The following KIF12 variants were observed in gnomAD, a reference collection of about 807,000 sequenced individuals.
KIF12 encodes the protein kinesin-like protein KIF12.
Under a neutral mutation model 87.9 loss-of-function variants are expected in KIF12, and 80 were observed. That is an observed-to-expected ratio of 0.91 (90% CI 0.76 to 1.10). The LOEUF is 1.10. Ranked by LOEUF, KIF12 falls within the 50% of genes least tolerant of loss-of-function variation. The pLI, the probability that KIF12 is intolerant of heterozygous loss-of-function variation, is 0.00. For synonymous variants in KIF12, 353 were observed against 348.5 expected, an observed-to-expected ratio of 1.01 and a Z score of -0.14; for missense variants, 819 against 865.3, an observed-to-expected ratio of 0.95 and a Z score of 0.67.
Position 114,097,622 on chromosome 9 carries a change from C to T in KIF12, c.495G>A (p.Glu165=), listed in dbSNP as rs777539435. The change falls in exon 6 of 19, where the codon GAG becomes GAA. Residue 165 remains glutamate (E), a synonymous_variant. Transcript: ENST00000640217. The stretch of plus-strand genomic sequence containing the variant: ...ATTCCCTTACCTGCTCATTGTAGAT[C>T]TCCAGATAAGAGGCGCGAAGGGTGA... The part of the protein sequence containing the change: ...APVTLRASYL[E]IYNEQVRDLL... 2 of 1,613,988 alleles carry T rather than the reference C, an allele frequency of 1.2e-6. No homozygotes were observed. Among genetic ancestry groups the T allele is most frequent in the Non-Finnish European group, 8.5e-7 (1 of 1,180,016 alleles).
chr9:114,092,506 C>A, intron 17 of KIF12, 36 bp downstream of exon 17: 4 of 1,613,420 alleles, frequency 2.5e-6, no homozygotes, highest in Non-Finnish European at 3.4e-6. Context: ...CCCCAGACCA[C>A]CCCTCTCTGA....
At position 114,092,420 on chromosome 9, in the gene KIF12, G is replaced by A; in HGVS notation, c.1729C>T (p.Leu577=). 6.2e-7 allele frequency: 1 copy of A among 1,613,416 alleles called. No homozygotes were observed. Among genetic ancestry groups the A allele is most frequent in the Non-Finnish European group, 8.5e-7 (1 of 1,179,774 alleles). ...SHSDWTQTRV[L]AEMLTEEEVV... is the part of the protein sequence containing the mutation. ...TCCTCCTCCGTCAACATCTCTGCCA[G>A]GACTCGGGTCTGAGTCCAGTCACTG... Residue 577 remains leucine, a synonymous_variant, in exon 18 of 19, where the codon CTG becomes TTG. Coordinates refer to ENST00000640217, the MANE Select transcript of KIF12 (RefSeq NM_001388308.1).
chr9:114,092,867 C>G, intron 16 of KIF12: 1 of 1,432,242 alleles, frequency 7.0e-7, no homozygotes, highest in Middle Eastern at 2.6e-4. Context: ...GGAACCACGT[C>G]TGGTCTATTT....
Position 114,096,395 on chromosome 9 carries a change from G to A in KIF12, c.730C>T (p.Arg244Cys), listed in dbSNP as rs749115456. Residue 244 changes from arginine (R) to cysteine (C), a missense_variant, in exon 8 of 19, where the codon CGT becomes TGT. Arg to Cys is a radical substitution (Grantham distance 180, BLOSUM62 -3). Transcript: ENST00000640217. ...CAGGCTGGAGCACTCACAGTTTGAC[G>A]GCTGATGTAAAGGGTGAGCAGGGCA... is the stretch of plus-strand genomic sequence containing the variant. Reference protein sequence around the residue: ...SHALLTLYISRQTAQQMPSVD... With the variant: ...SHALLTLYISCQTAQQMPSVD... 78 of 1,612,744 alleles carry A rather than the reference G, an allele frequency of 4.8e-5. No individual in the cohort carries two copies. The highest frequency in any genetic ancestry group is 8.4e-5 in the Admixed American group (5 of 59,840).
Position 114,099,130 on chromosome 9 carries a change from C to T in KIF12, c.66G>A (p.Pro22=), listed in dbSNP as rs1263686059. Residue 22 remains proline, a synonymous_variant, in exon 2 of 19, where the codon CCG becomes CCA. Transcript: ENST00000640217. ...TGAGCACCACCTGGATGGGCGTTTC[C>T]GGCCCCTCTGGCCCTTGCTCCAGGC... ...ARSLEQGPEG[P]ETPIQVVLRV... 3 of 1,550,612 alleles carry T rather than the reference C, an allele frequency of 1.9e-6. No individual in the cohort carries two copies. The highest frequency in any genetic ancestry group is 2.6e-6 in the Non-Finnish European group (3 of 1,146,986).
intron 11 of KIF12, 34 bp from the exon 12 acceptor site, chr9:114,094,489 G>A (rs1252141109): frequency 7.4e-7 from 1 of 1,358,860 alleles, no homozygotes; most frequent in Non-Finnish European, 1.0e-6. Context: ...CACCTTTATG[G>A]TTGTATAAGT....
chr9:114,098,954 G>C lies in KIF12; in HGVS notation c.152C>G (p.Ser51Ter). ...CCTCACCTGCAGAGTCCGGGTCCCT[G>C]AGCAGTGCAGCACGCTCTGCTGCCC... is the stretch of plus-strand genomic sequence containing the variant. ...RRGQQSVLHC[S>*]GTRTLQVSPP... Residue 51 changes from serine to a stop codon, truncating the protein, a stop_gained, in exon 3 of 19, where the codon TCA becomes TGA. Transcript: ENST00000640217. LOFTEE classifies it high-confidence loss of function. 6.5e-7 allele frequency: 1 copy of C among 1,549,712 alleles called. No homozygotes were observed. Among genetic ancestry groups the C allele is most frequent in the Non-Finnish European group, 8.7e-7 (1 of 1,146,478 alleles).
rs1461984735 is a variant in KIF12, at chr9:114,096,565, G to T, written c.647-87C>A. 1.1e-5 allele frequency: 13 copies of T among 1,168,818 alleles called. No homozygotes were observed. In the East Asian group the frequency reaches 3.1e-4, roughly 27 times the overall value. 72.4% of individuals were successfully genotyped at this position (1,168,818 alleles called of 1,614,324 possible). Reference sequence around the variant, plus strand: ...AAAAAGGAGCAAAGGAATCCTGGCGGAAGGGTCAGCCTCATGCAAAGGCAG... The same window carrying T: ...AAAAAGGAGCAAAGGAATCCTGGCGTAAGGGTCAGCCTCATGCAAAGGCAG... On this transcript the variant is annotated intron_variant, in intron 7 of 18. Transcript: ENST00000640217.
At position 114,099,091 on chromosome 9, in the gene KIF12, A is replaced by G; in HGVS notation, c.92+13T>C. Reference sequence around the variant, plus strand: ...TGTCTCGCCCAGGTGCCTCCTAGCCAATTTATACCCACCTGAGCACCACCT... The same window carrying G: ...TGTCTCGCCCAGGTGCCTCCTAGCCGATTTATACCCACCTGAGCACCACCT... On this transcript the variant is annotated intron_variant, in intron 2 of 18. Coordinates refer to ENST00000640217, the MANE Select transcript of KIF12 (RefSeq NM_001388308.1). 6.5e-7 allele frequency: 1 copy of G among 1,550,338 alleles called. No homozygotes were observed. The highest frequency in any genetic ancestry group is 1.2e-5 in the South Asian group (1 of 84,048).
chr9:114,092,114 T>TAC, intron 18 of KIF12, 114 bp from the exon 19 acceptor site: 2 of 1,389,286 alleles, frequency 1.4e-6, no homozygotes, highest in Non-Finnish European at 1.9e-6. Context: ...CCTCCACCCT[T>TAC]CCCCCCACCC....
At position 114,098,328 on chromosome 9, in the gene KIF12, C is replaced by A; in HGVS notation, c.273G>T (p.Arg91=). ...CGCGCAGCGCCAGCTCCCCCAGGCG[C>A]CGCACGCCGCACGCCCGGAACACGT... ...QEDVFRACGV[R]RLGELALRGF... is the part of the protein sequence containing the mutation. Residue 91 remains arginine (R), a synonymous_variant, in exon 4 of 19, where the codon CGG becomes CGT. Transcript: ENST00000640217. The A allele has an allele frequency of 6.8e-7, 1 of 1,472,836 alleles. No homozygotes were observed. Among genetic ancestry groups the A allele is most frequent in the African/African-American group, 1.5e-5 (1 of 67,384 alleles). The allele number at this position is 1,472,836 out of a possible 1,614,324, so 91.2% of individuals were successfully genotyped here.
intron 18 of KIF12, 162 bp downstream of exon 18, chr9:114,092,171 G>A (rs1847024097): frequency 6.8e-7 from 1 of 1,462,838 alleles, no homozygotes; most frequent in South Asian, 1.5e-5. Context: ...GCACGCAGAT[G>A]CTCCTAAAAA....
intron 4 of KIF12, 47 bp downstream of exon 4, chr9:114,098,255 G>A: frequency 2.6e-6 from 4 of 1,514,542 alleles, no homozygotes; most frequent in Non-Finnish European, 3.5e-6. Context: ...GGGGTGCTTC[G>A]GGGCCCCGCC....
At chr9:114,096,858 A>T (rs1847252592) in intron 7 of KIF12, among the ~76,000 whole-genome samples, 1 of 152,130 alleles carries the variant, frequency 6.6e-6, no homozygotes, top group Non-Finnish European at 1.5e-5. Flanking sequence ...TAAATACTTG[A>T]TTTAAAAAAA....
chr9:114,093,822 G>A, intron 14 of KIF12, 64 bp downstream of exon 14: 1 of 1,393,188 alleles, frequency 7.2e-7, no homozygotes, highest in Non-Finnish European at 1.0e-6. Flanking sequence ...AGTTCATTAA[G>A]CCATCCCTTT....
chr9:114,097,987 T>C, intron 5 of KIF12, 128 bp downstream of exon 5: 2 of 1,051,358 alleles, frequency 1.9e-6, no homozygotes, highest in South Asian at 1.7e-5. Context: ...CGTCCTCGTC[T>C]GCAAACAAGC....
rs1032255182 is a variant in KIF12 at position 114,093,052 on chromosome 9, G to A, written c.1596+177C>T. Reference sequence around the variant, plus strand: ...CCCTGACAGGGCAGGGTGAGGAGGGGGGAGGGTGAGGCAAACAGCTATTTC... The same window carrying A: ...CCCTGACAGGGCAGGGTGAGGAGGGAGGAGGGTGAGGCAAACAGCTATTTC... On this transcript the variant is annotated intron_variant, in intron 16 of 18. Transcript: ENST00000640217. 8.7e-5 allele frequency: 100 copies of A among 1,144,390 alleles called. No homozygotes were observed. The African/African-American group carries it at 1.2e-3, about 13-fold the overall frequency. 70.9% of individuals were successfully genotyped at this position (1,144,390 alleles called of 1,614,324 possible).
Position 114,098,734 on chromosome 9 carries a change from C to T in KIF12, c.171+201G>A, listed in dbSNP as rs561261646. 1.5e-4 allele frequency among the ~76,000 whole-genome samples: 7 copies of T among 46,460 alleles called. No individual in the cohort carries two copies. The South Asian group carries it at 4.6e-3, about 30-fold the overall frequency. The allele number at this position is 46,460 out of a possible 152,430, so 30.5% of individuals were successfully genotyped here. On this transcript the variant is annotated intron_variant, in intron 3 of 18. Coordinates refer to ENST00000640217, the MANE Select transcript of KIF12 (RefSeq NM_001388308.1). Reference sequence around the variant, plus strand: ...TGGGTGGGCGGGCACTCAGAAGGGGCGGGGCACTCGCAGGGGTTGGCGCGG... The same window carrying T: ...TGGGTGGGCGGGCACTCAGAAGGGGTGGGGCACTCGCAGGGGTTGGCGCGG...
intron 13 of KIF12, 46 bp from the exon 14 acceptor site, chr9:114,094,018 G>A (rs761005825): frequency 5.8e-6 from 9 of 1,546,658 alleles, no homozygotes; most frequent in Non-Finnish European, 6.2e-6. Flanking sequence ...TGGGGCTGGG[G>A]TGGGGCATCA....
Sources: allele counts gnomAD v4.1 joint callset (sites outside exome capture counted in the v4.1 genomes callset), GRCh38; gene constraint gnomAD v4.1.1; transcripts MANE v1.5; gene names NCBI Gene and HGNC (gene_info 2026-07-23, HGNC 2026-07-21).